LOC728743: variants seen among roughly 807,000 people sequenced by gnomAD.
At chr7:150,408,427 C>T in the LOC728743 span, 1 of 352,184 alleles carries the variant, frequency 2.8e-6, no homozygotes, top group African/African-American at 2.1e-5. Context: ...TGGCTGGCTG[C>T]GCACAGCTGC....
chr7:150,407,591 T>C, the LOC728743 span: 1 of 398,344 alleles, frequency 2.5e-6, no homozygotes. Context: ...TAGGGACTGG[T>C]GATTGCAGCT....
the LOC728743 span, among the ~76,000 whole-genome samples, chr7:150,401,338 G>A: frequency 1.3e-5 from 2 of 152,230 alleles, no homozygotes; most frequent in Non-Finnish European, 2.9e-5. Context: ...GCTGCCTGAC[G>A]GAGGGTAGAC....
At chr7:150,408,789 G>C in the LOC728743 span, among the ~76,000 whole-genome samples, 7 of 152,242 alleles carry the variant, frequency 4.6e-5, no homozygotes, top group African/African-American at 9.6e-5. Context: ...TCATCTGTAA[G>C]TTGGGGATAT....
the LOC728743 span, among the ~76,000 whole-genome samples, chr7:150,404,274 T>C: frequency 1.3e-5 from 2 of 152,316 alleles, no homozygotes; most frequent in African/African-American, 4.8e-5. Context: ...ATGTACACCC[T>C]CAGGCACGTT....
chr7:150,410,691 C>G, the LOC728743 span: 1 of 152,780 alleles, frequency 6.5e-6, no homozygotes, highest in South Asian at 2.1e-4. Context: ...CTTGGAAAAT[C>G]TGATGAAGGT....
chr7:150,406,552 C>T, the LOC728743 span, among the ~76,000 whole-genome samples: 1 of 152,170 alleles, frequency 6.6e-6, no homozygotes, highest in Non-Finnish European at 1.5e-5. Context: ...TCACCTTGCT[C>T]TGTGACCTTG....
the LOC728743 span, chr7:150,411,240 C>T: frequency 2.0e-5 from 3 of 152,332 alleles, no homozygotes; most frequent in African/African-American, 7.2e-5. Flanking sequence ...AGAAAGAATC[C>T]TGCTTCCACC....
chr7:150,408,775 T>C, the LOC728743 span, among the ~76,000 whole-genome samples: 1 of 152,212 alleles, frequency 6.6e-6, no homozygotes, highest in Non-Finnish European at 1.5e-5. Flanking sequence ...ATGTTTCAGT[T>C]TACTCATCTG....
At chr7:150,408,428 G>A in the LOC728743 span, 2 of 352,316 alleles carry the variant, frequency 5.7e-6, no homozygotes, top group East Asian at 4.3e-5. Context: ...GGCTGGCTGC[G>A]CACAGCTGCT....
chr7:150,406,481 A>T, the LOC728743 span, among the ~76,000 whole-genome samples: 729 of 152,200 alleles, frequency 4.8e-3, 3 homozygotes, highest in African/African-American at 0.017. Flanking sequence ...GTTGTTGAGC[A>T]GCTAGTACAT....
chr7:150,405,106 G>A, the LOC728743 span: 2 of 152,400 alleles, frequency 1.3e-5, no homozygotes, highest in South Asian at 2.1e-4. Flanking sequence ...GGCTTGAGAG[G>A]GCCCGCTCCG....
chr7:150,405,666 C>T, the LOC728743 span: 127 of 152,260 alleles, frequency 8.3e-4, no homozygotes, highest in African/African-American at 2.8e-3. Flanking sequence ...TCCAGGGTTG[C>T]TCCGGCCGCA....
the LOC728743 span, chr7:150,408,202 C>T: frequency 2.5e-6 from 1 of 392,380 alleles, no homozygotes; most frequent in Non-Finnish European, 4.5e-6. Flanking sequence ...GCCAGGCGGC[C>T]CACTTAGGAC....
the LOC728743 span, among the ~76,000 whole-genome samples, chr7:150,401,393 C>T: frequency 4.8e-4 from 73 of 152,224 alleles, no homozygotes; most frequent in African/African-American, 1.6e-3. Flanking sequence ...TAGCACAGGC[C>T]GAGGGAGAGG....
At chr7:150,403,896 G>A in the LOC728743 span, among the ~76,000 whole-genome samples, 1 of 152,214 alleles carries the variant, frequency 6.6e-6, no homozygotes, top group African/African-American at 2.4e-5. The surrounding 1 kb of genome is among the most constrained non-coding windows in gnomAD (Gnocchi z 5.1). Context: ...AAAGCAGGCA[G>A]GCCTGACCTC....
At chr7:150,411,091 T>G in the LOC728743 span, 1 of 152,348 alleles carries the variant, frequency 6.6e-6, no homozygotes, top group South Asian at 2.1e-4. Flanking sequence ...TTTCTTGTTC[T>G]GCCTGACTGG....
At chr7:150,407,679 A>C in the LOC728743 span, 1 of 399,218 alleles carries the variant, frequency 2.5e-6, no homozygotes. Flanking sequence ...CTGGGGGACG[A>C]GCGAGGCCTG....
the LOC728743 span, chr7:150,404,888 G>C: frequency 6.6e-6 from 1 of 152,280 alleles, no homozygotes; most frequent in South Asian, 2.1e-4. Context: ...TGAAACCCTC[G>C]CCCAGGGCCG....
At chr7:150,406,198 C>T in the LOC728743 span, among the ~76,000 whole-genome samples, 1 of 152,172 alleles carries the variant, frequency 6.6e-6, no homozygotes, top group African/African-American at 2.4e-5. Context: ...GGCCCTGAGA[C>T]CCCACTCTGC....
Sources: gnomAD v4.1 joint callset for allele counts (sites outside exome capture counted in the v4.1 genomes callset) on GRCh38, gnomAD v4.1.1 for gene constraint, Gnocchi (gnomAD v3.1) non-coding constraint, MANE v1.5 for transcripts.